TFPI: variants seen among roughly 807,000 people sequenced by gnomAD.
TFPI encodes tissue factor pathway inhibitor, also known as anti-convertin.
A neutral mutation model predicts 34.6 loss-of-function variants in TFPI; 15 were observed. That is an observed-to-expected ratio of 0.43 (90% CI 0.29 to 0.67). The LOEUF (loss-of-function observed/expected upper bound fraction) is 0.67. Ranked by LOEUF, TFPI falls within the 30% of genes least tolerant of loss-of-function variation. The probability of loss-of-function intolerance (pLI) is 0.15; values close to 1 mark genes in which losing one functional copy is unlikely to be tolerated. For synonymous variants in TFPI, 105 were observed against 120.1 expected, an observed-to-expected ratio of 0.87 and a Z score of 0.82; for missense variants, 301 against 364.0, an observed-to-expected ratio of 0.83 and a Z score of 1.41.
At chr2:187,499,036 T>C (rs374536856) in intron 2 of TFPI, among the ~76,000 whole-genome samples, 52 of 151,932 alleles carry the variant, frequency 3.4e-4, no homozygotes, top group Non-Finnish European at 6.6e-4. Context: ...CTAAATCCAA[T>C]AAATATCTAT....
At chr2:187,512,782 G>A (rs903015764) in intron 1 of TFPI, among the ~76,000 whole-genome samples, 3 of 151,964 alleles carry the variant, frequency 2.0e-5, no homozygotes, top group Admixed American at 2.0e-4. Flanking sequence ...GTTGGGGGGG[G>A]CCGCGAAATT....
chr2:187,550,383 C>T (rs1388075394), intron 1 of TFPI, among the ~76,000 whole-genome samples: 1 of 152,050 alleles, frequency 6.6e-6, no homozygotes, highest in East Asian at 1.9e-4. Flanking sequence ...AAAAAATTAA[C>T]CATAGAATAA....
chr2:187,503,486 C>CAG (rs1553528319), intron 2 of TFPI, among the ~76,000 whole-genome samples, 162 bp downstream of exon 2: 1 of 151,684 alleles, frequency 6.6e-6, no homozygotes, highest in Non-Finnish European at 1.5e-5. Flanking sequence ...CACACACACA[C>CAG]ACACACACAC....
At chr2:187,515,831 A>G (rs1686967876) in intron 1 of TFPI, 1 of 152,182 alleles carries the variant, frequency 6.6e-6, no homozygotes, top group African/African-American at 2.4e-5. Context: ...TAGCCCTGGA[A>G]GTGACCAGCC....
At chr2:187,482,871 T>A (rs886348884) in intron 6 of TFPI, among the ~76,000 whole-genome samples, 1 of 151,946 alleles carries the variant, frequency 6.6e-6, no homozygotes, top group African/African-American at 2.4e-5. Context: ...AATTCTCCTT[T>A]CACATAATAG....
chr2:187,505,097 A>G (rs1352363516), intron 1 of TFPI, among the ~76,000 whole-genome samples: 2 of 149,392 alleles, frequency 1.3e-5, no homozygotes, highest in African/African-American at 2.5e-5. Context: ...TCTTGAAACT[A>G]AACTTCTAAT....
intron 3 of TFPI, among the ~76,000 whole-genome samples, 192 bp from the exon 4 acceptor site, chr2:187,488,567 G>A (rs1693463083): frequency 6.6e-6 from 1 of 150,920 alleles, no homozygotes; most frequent in African/African-American, 2.4e-5. Context: ...TAACCATGAA[G>A]CCACTTCATT....
chr2:187,468,318 C>A lies in TFPI; in HGVS notation c.629-386G>T, dbSNP rs530474051. 1.9e-3 allele frequency among the ~76,000 whole-genome samples: 285 copies of A among 151,676 alleles called. 3 individuals carry two copies. Among genetic ancestry groups the A allele is most frequent in the Non-Finnish European group, 3.8e-4 (26 of 67,816 alleles). ...CACACATATATATTAATTTACATAT[C>A]ATTTGTTCACAAATATTTGGCTTTA... On this transcript the variant is annotated intron_variant, in intron 6 of 7. Transcript: ENST00000233156.
At chr2:187,542,003 A>G (rs1393605198) in intron 1 of TFPI, among the ~76,000 whole-genome samples, 7 of 152,182 alleles carry the variant, frequency 4.6e-5, no homozygotes, top group African/African-American at 1.7e-4. Context: ...AAAATATTTT[A>G]GCGTGAGGGG....
chr2:187,523,484 C>G lies in TFPI; in HGVS notation c.-2-19714G>C, dbSNP rs532192945. Among the ~76,000 whole-genome samples, 18 of 152,196 alleles carry G rather than the reference C, an allele frequency of 1.2e-4. No individual in the cohort carries two copies. In the South Asian group the frequency reaches 3.7e-3, roughly 32 times the overall value. ...TATTTAGTTCAGCCCTCCTCCACCC[C>G]CAAACTCCTTCAGTGAGGTTGCCTT... is the stretch of plus-strand genomic sequence containing the variant. On this transcript the variant is annotated intron_variant, in intron 1 of 7. Transcript: ENST00000233156.
At chr2:187,480,524 G>A (rs1260092792) in intron 6 of TFPI, among the ~76,000 whole-genome samples, 2 of 152,060 alleles carry the variant, frequency 1.3e-5, no homozygotes, top group Non-Finnish European at 2.9e-5. Flanking sequence ...GGAATTTAAC[G>A]CATGTCTTCA....
At chr2:187,538,975 G>C (rs1328344415) in intron 1 of TFPI, among the ~76,000 whole-genome samples, 1 of 151,962 alleles carries the variant, frequency 6.6e-6, no homozygotes, top group Non-Finnish European at 1.5e-5. Context: ...TTAAACATTT[G>C]AATAATATTA....
intron 1 of TFPI, among the ~76,000 whole-genome samples, chr2:187,542,541 G>A (rs978604337): frequency 1.3e-5 from 2 of 152,070 alleles, no homozygotes; most frequent in African/African-American, 4.8e-5. Context: ...GTTCTCTCTA[G>A]GTAAAATAAA....
chr2:187,525,016 G>A (rs1239222958), intron 1 of TFPI, among the ~76,000 whole-genome samples: 1 of 151,942 alleles, frequency 6.6e-6, no homozygotes, highest in Non-Finnish European at 1.5e-5. Flanking sequence ...TAATATTTAT[G>A]AGAGAATATG....
chr2:187,525,114 T>G (rs1402315659), intron 1 of TFPI, among the ~76,000 whole-genome samples: 1 of 152,100 alleles, frequency 6.6e-6, no homozygotes, highest in Admixed American at 6.6e-5. Flanking sequence ...CTTTGAGACT[T>G]TCACTTTTTA....
chr2:187,496,621 A>G (rs1473529768), intron 3 of TFPI, among the ~76,000 whole-genome samples: 1 of 152,110 alleles, frequency 6.6e-6, no homozygotes, highest in Non-Finnish European at 1.5e-5. Context: ...CTAAAATTTG[A>G]TAATTTGCTT....
At chr2:187,490,761 A>G (rs1232893086) in intron 3 of TFPI, among the ~76,000 whole-genome samples, 1 of 151,678 alleles carries the variant, frequency 6.6e-6, no homozygotes, top group African/African-American at 2.4e-5. Context: ...ATCACTAGCA[A>G]TTTGATTTCT....
In TFPI at chr2:187,549,525, G is replaced by A. The variant is rs1461092591; in HGVS notation, c.-3+4675C>T. ...GAGCTCATTTGTCATCTAAAATATA[G>A]AAGAGAGTGAGATATTAGCTTCCTG... On this transcript the variant is annotated intron_variant, in intron 1 of 7. Coordinates refer to ENST00000233156, the MANE Select transcript of TFPI (RefSeq NM_006287.6). Among the ~76,000 whole-genome samples the A allele has an allele frequency of 2.6e-5, 4 of 152,132 alleles. No homozygotes were observed. The East Asian group carries it at 7.7e-4, about 29-fold the overall frequency.
At chr2:187,509,139 A>G (rs1686442270) in intron 1 of TFPI, among the ~76,000 whole-genome samples, 1 of 152,336 alleles carries the variant, frequency 6.6e-6, no homozygotes, top group East Asian at 1.9e-4. Context: ...CATCCCAGGG[A>G]TGAAGCCGAC....
Sources: gnomAD v4.1 joint callset for allele counts (sites outside exome capture counted in the v4.1 genomes callset) on GRCh38, gnomAD v4.1.1 for gene constraint, MANE v1.5 for transcripts, NCBI Gene and HGNC (gene_info 2026-07-23, HGNC 2026-07-21) for gene names.